DPYD: variants seen among roughly 807,000 people sequenced by gnomAD.
DPYD encodes the protein dihydropyrimidine dehydrogenase.
DPYD carries 109 observed loss-of-function variants against 116.2 expected under a neutral mutation model. The ratio of observed to expected loss-of-function variants is 0.94; its 90% confidence interval spans 0.80 to 1.10. The LOEUF (loss-of-function observed/expected upper bound fraction) is 1.10, where lower values mean the gene tolerates loss of function less well. DPYD is among the 50% of genes least tolerant of loss of function. The pLI is 0.00. For missense variants in DPYD, 1,302 were observed against 1,254.5 expected (o/e 1.04, Z -0.57); for synonymous variants, 440 against 432.0 (o/e 1.02, Z -0.23).
intron 8 of DPYD, among the ~76,000 whole-genome samples, chr1:97,656,231 C>T (rs941659764): frequency 6.6e-6 from 1 of 152,140 alleles, no homozygotes; most frequent in Non-Finnish European, 1.5e-5. Context: ...TAATGTTCTC[C>T]ACTTGTAGCA....
chr1:97,316,919 C>T (rs1467649370), intron 16 of DPYD, among the ~76,000 whole-genome samples: 1 of 151,412 alleles, frequency 6.6e-6, no homozygotes, highest in Non-Finnish European at 1.5e-5. Flanking sequence ...GTCTATTTCC[C>T]TTGTCTTTAA....
At chr1:97,815,641 T>G (rs767934566) in intron 3 of DPYD, among the ~76,000 whole-genome samples, 40 of 152,072 alleles carry the variant, frequency 2.6e-4, no homozygotes, top group South Asian at 6.2e-4. Flanking sequence ...ACCAGGAGAT[T>G]AGAAAATGAA....
intron 11 of DPYD, among the ~76,000 whole-genome samples, chr1:97,563,465 C>G (rs1037850285): frequency 2.6e-5 from 4 of 152,088 alleles, no homozygotes; most frequent in African/African-American, 9.7e-5. Flanking sequence ...GTTATTTTTT[C>G]CCATTTTCTA....
intron 16 of DPYD, among the ~76,000 whole-genome samples, chr1:97,369,047 A>G (rs1039900399): frequency 1.3e-5 from 2 of 152,172 alleles, no homozygotes; most frequent in South Asian, 2.1e-4. Flanking sequence ...TGCAGGATGG[A>G]AGTAAAATAT....
At chr1:97,155,155 C>G (rs1304475819) in intron 20 of DPYD, among the ~76,000 whole-genome samples, 2 of 152,120 alleles carry the variant, frequency 1.3e-5, no homozygotes, top group Non-Finnish European at 2.9e-5. Context: ...CAGACTTGGG[C>G]TTGCTGCTAT....
chr1:97,706,105 C>T (rs1002101718), intron 5 of DPYD, among the ~76,000 whole-genome samples: 12 of 151,608 alleles, frequency 7.9e-5, no homozygotes, highest in Admixed American at 6.6e-4. Flanking sequence ...TTTGTCATTC[C>T]TAACCCACTT....
At chr1:97,793,012 G>C (rs1251948515) in intron 3 of DPYD, among the ~76,000 whole-genome samples, 1 of 152,162 alleles carries the variant, frequency 6.6e-6, no homozygotes, top group East Asian at 1.9e-4. Context: ...ATGCACTTCA[G>C]TTAATAATAA....
chr1:97,502,662 C>T (rs1570850983), intron 13 of DPYD, among the ~76,000 whole-genome samples: 1 of 151,936 alleles, frequency 6.6e-6, no homozygotes, highest in East Asian at 1.9e-4. Context: ...GTATACTATT[C>T]TGTGAGAAAT....
chr1:97,431,540 T>G lies in DPYD; in HGVS notation c.1905+18519A>C, dbSNP rs1009564646. Among the ~76,000 whole-genome samples, 57 of 152,140 alleles carry G rather than the reference T, an allele frequency of 3.7e-4. 1 individual carries two copies. The highest frequency in any genetic ancestry group is 3.5e-3 in the Admixed American group (53 of 15,264). On this transcript the variant is annotated intron_variant, in intron 14 of 22. Coordinates refer to ENST00000370192, the MANE Select transcript of DPYD (RefSeq NM_000110.4). ...TGTGGCATATTTTTTCTCTTTGATT[T>G]GTCAGTTTGGGGAATTTCTTTCAAT...
chr1:97,450,930 C>T (rs140755318), intron 13 of DPYD, among the ~76,000 whole-genome samples: 18 of 152,044 alleles, frequency 1.2e-4, no homozygotes, highest in African/African-American at 3.1e-4. Flanking sequence ...GCTGTATTAA[C>T]GAAGAAGAAT....
At position 97,081,707 on chromosome 1, in the gene DPYD, CTTTTCTTTTCTTTTT is replaced by C. The variant is rs767540490; in HGVS notation, c.2907+608_2907+622del. Among the ~76,000 whole-genome samples, 80 of 138,392 alleles carry C rather than the reference CTTTTCTTTTCTTTTT, an allele frequency of 5.8e-4. No homozygotes were observed. In the Middle Eastern group the frequency reaches 0.013, roughly 23 times the overall value. The allele number at this position is 138,392 out of a possible 152,430, so 90.8% of individuals were successfully genotyped here. A position where few individuals can be genotyped will look rare whatever the true frequency, so the allele number is the denominator to read the frequency against. The stretch of plus-strand genomic sequence containing the variant: ...TTTTCTTTCTTTTTCTTTTTCTTTT[CTTTTCTTTTCTTTTT>C]TTTTTTTTTTTTCCTGCATGGTAGA... On this transcript the variant is annotated intron_variant, in intron 22 of 22. Coordinates refer to ENST00000370192, the MANE Select transcript of DPYD (RefSeq NM_000110.4).
intron 16 of DPYD, among the ~76,000 whole-genome samples, chr1:97,336,722 C>T (rs1376810705): frequency 6.6e-6 from 1 of 152,086 alleles, no homozygotes; most frequent in African/African-American, 2.4e-5. Context: ...TGTATTCCAG[C>T]CTGGGTGACA....
intron 1 of DPYD, among the ~76,000 whole-genome samples, chr1:97,885,383 T>C (rs1426910083): frequency 6.6e-6 from 1 of 152,034 alleles, no homozygotes; most frequent in Admixed American, 6.6e-5. Flanking sequence ...AATTCCACAA[T>C]CAACATATCT....
chr1:97,488,919 T>TAGTGTGTACCCCATA (rs1678808857), intron 13 of DPYD, among the ~76,000 whole-genome samples: 2 of 152,208 alleles, frequency 1.3e-5, no homozygotes, highest in African/African-American at 4.8e-5. Context: ...ACACTCTCTA[T>TAGTGTGTACCCCATA]GGGGTAGCCC....
At position 97,870,379 on chromosome 1, in the gene DPYD, G is replaced by A. The variant is rs1437072171; in HGVS notation, c.150+12885C>T. Among the ~76,000 whole-genome samples, 4 of 151,948 alleles carry A rather than the reference G, an allele frequency of 2.6e-5. No homozygotes were observed. The South Asian group carries it at 6.2e-4, about 24-fold the overall frequency. The stretch of plus-strand genomic sequence containing the variant: ...CAAAAATATGAAATGCAGTTAGGAT[G>A]TGTGGATCTTTATCGTGTTATATAA... On this transcript the variant is annotated intron_variant, in intron 2 of 22. Transcript: ENST00000370192.
intron 20 of DPYD, among the ~76,000 whole-genome samples, chr1:97,152,765 T>C (rs903604755): frequency 1.3e-5 from 2 of 151,754 alleles, no homozygotes; most frequent in African/African-American, 4.8e-5. Flanking sequence ...TGTCACTCTC[T>C]CAGGTATAGC....
At chr1:97,386,340 T>C (rs1672347261) in intron 14 of DPYD, among the ~76,000 whole-genome samples, 1 of 152,022 alleles carries the variant, frequency 6.6e-6, no homozygotes, top group Admixed American at 6.6e-5. Flanking sequence ...AGAGCTGCTG[T>C]TGATCACTGA....
At chr1:97,664,361 TATA>T (rs1462896452) in intron 8 of DPYD, among the ~76,000 whole-genome samples, 1 of 151,916 alleles carries the variant, frequency 6.6e-6, no homozygotes, top group African/African-American at 2.4e-5. Flanking sequence ...TAGCTATAGG[TATA>T]AAACTATTCA....
chr1:97,639,091 T>C (rs1487502582), intron 8 of DPYD, among the ~76,000 whole-genome samples: 2 of 152,152 alleles, frequency 1.3e-5, no homozygotes, highest in East Asian at 1.9e-4. Flanking sequence ...TTGTAGGCAG[T>C]TGATGAGGCA....
Sources: gnomAD v4.1 joint callset for allele counts (sites outside exome capture counted in the v4.1 genomes callset) on GRCh38, gnomAD v4.1.1 for gene constraint, MANE v1.5 for transcripts, NCBI Gene and HGNC (gene_info 2026-07-23, HGNC 2026-07-21) for gene names.